KIF15: variants seen among roughly 807,000 people sequenced by gnomAD.
KIF15 encodes the protein kinesin-like protein KIF15.
Under a neutral mutation model 190.6 loss-of-function variants are expected in KIF15, and 140 were observed. The ratio of observed to expected loss-of-function variants is 0.73; its 90% CI spans 0.64 to 0.84. KIF15 has a LOEUF of 0.84. Among genes scored for constraint, KIF15 ranks in the 40% least tolerant of loss-of-function variants. The pLI, the probability that KIF15 is intolerant of heterozygous loss-of-function variation, is 0.00. For synonymous variants in KIF15, 528 were observed against 551.3 expected, an observed-to-expected ratio of 0.96 and a Z score of 0.59; for missense variants, 1,372 against 1,584.4, an observed-to-expected ratio of 0.87 and a Z score of 2.28.
chr3:44,766,578 C>T (rs1157538464), intron 1 of KIF15, among the ~76,000 whole-genome samples: 1 of 152,088 alleles, frequency 6.6e-6, no homozygotes, highest in Non-Finnish European at 1.5e-5. Flanking sequence ...GTGGAGGAAC[C>T]CCTTGCAATT....
chr3:44,791,786 C>G (rs1470950471), intron 7 of KIF15, among the ~76,000 whole-genome samples: 1 of 152,160 alleles, frequency 6.6e-6, no homozygotes, highest in Non-Finnish European at 1.5e-5. Context: ...GGCATGATCT[C>G]AGCTCAATGC....
chr3:44,811,058 T>C lies in KIF15; in HGVS notation c.2169+15T>C, dbSNP rs549841632. On this transcript the variant is annotated intron_variant, in intron 17 of 34. Coordinates refer to ENST00000326047, the MANE Select transcript of KIF15 (RefSeq NM_020242.3). The stretch of plus-strand genomic sequence containing the variant: ...GAACAGTGCAGGTAATGTTTTGTTC[T>C]AGAAAAAATAAATAACTGGACATCC... 3.9e-6 allele frequency: 6 copies of C among 1,555,826 alleles called. No homozygotes were observed. Among genetic ancestry groups the C allele is most frequent in the Admixed American group, 4.2e-5 (2 of 47,234 alleles).
At chr3:44,818,648 T>G (rs1458877378) in intron 20 of KIF15, among the ~76,000 whole-genome samples, 1 of 152,226 alleles carries the variant, frequency 6.6e-6, no homozygotes, top group Non-Finnish European at 1.5e-5. Context: ...ACTTTGCCAG[T>G]ATTTTATTGA....
intron 27 of KIF15, 47 bp downstream of exon 27, chr3:44,838,468 G>C (rs934501450): frequency 1.3e-6 from 2 of 1,574,972 alleles, no homozygotes; most frequent in Admixed American, 3.6e-5. Context: ...AAGAGACCAA[G>C]TGTAGTGGCT....
At chr3:44,831,348 T>TATA (rs1253553320) in intron 26 of KIF15, among the ~76,000 whole-genome samples, 2 of 152,184 alleles carry the variant, frequency 1.3e-5, no homozygotes, top group African/African-American at 4.8e-5. Flanking sequence ...TTGTATAGTG[T>TATA]ATAATAATAC....
chr3:44,794,298 A>C lies in KIF15; in HGVS notation c.721A>C (p.Thr241Pro). The C allele has an allele frequency of 6.2e-7, 1 of 1,614,134 alleles. No individual in the cohort carries two copies. The highest frequency in any genetic ancestry group is 1.3e-5 in the African/African-American group (1 of 75,066). The change falls in exon 8 of 35, where the codon ACA becomes CCA. Residue 241 changes from threonine to proline, a missense_variant. By Grantham distance (38) the Thr-to-Pro change is conservative. Transcript: ENST00000326047. ...ATCGTCTAGGTCTCATGCCGTCTTT[A>C]CAATTACAATAGAGTCAATGGAGAA... is the stretch of plus-strand genomic sequence containing the variant. ...RESSRSHAVF[T>P]ITIESMEKSN...
At chr3:44,772,680 C>T (rs1705694561) in intron 1 of KIF15, among the ~76,000 whole-genome samples, 1 of 152,138 alleles carries the variant, frequency 6.6e-6, no homozygotes, top group African/African-American at 2.4e-5. Context: ...AAGGTAACTT[C>T]CCAGGTGCTC....
chr3:44,772,464 G>T (rs1047572123), intron 1 of KIF15, among the ~76,000 whole-genome samples: 1 of 152,098 alleles, frequency 6.6e-6, no homozygotes, highest in African/African-American at 2.4e-5. Context: ...TGGAGAAAAA[G>T]AATTCAGTTG....
chr3:44,775,684 G>A (rs1705849298), intron 3 of KIF15, among the ~76,000 whole-genome samples: 3 of 151,600 alleles, frequency 2.0e-5, no homozygotes, highest in African/African-American at 4.8e-5. Flanking sequence ...TTGATCTCTC[G>A]ACCTCGTGAT....
chr3:44,835,557 T>C (rs1301303956), intron 26 of KIF15, among the ~76,000 whole-genome samples: 3 of 152,198 alleles, frequency 2.0e-5, no homozygotes, highest in South Asian at 2.1e-4. Context: ...AATCCCAGTA[T>C]AAAAAACTGA....
chr3:44,859,062 G>A (rs762391701), intron 6 of KIF15, among the ~76,000 whole-genome samples: 4 of 152,192 alleles, frequency 2.6e-5, no homozygotes, highest in Admixed American at 6.5e-5. Context: ...GTGGGGTCCC[G>A]CACAGTTGGG....
At chr3:44,828,699 A>G (rs1487121599) in intron 24 of KIF15, among the ~76,000 whole-genome samples, 10 of 152,254 alleles carry the variant, frequency 6.6e-5, no homozygotes, top group African/African-American at 1.9e-4. Context: ...AAATTCTTCT[A>G]TGTCTAGCTC....
chr3:44,838,232 G>A, intron 26 of KIF15, 43 bp from the exon 27 acceptor site: 2 of 1,548,932 alleles, frequency 1.3e-6, no homozygotes, highest in East Asian at 2.3e-5. Context: ...AATCCTTATT[G>A]GAATACCATA....
rs1707762021 is a variant in KIF15, at chr3:44,811,043, G to A, written c.2169G>A (p.Gln723=). ...TTTCTGAAGAGCTTAGAACAGTGCA[G>A]GTAATGTTTTGTTCTAGAAAAAATA... ...EAISEELRTV[Q]EQMSALQAKL... The change falls in exon 17 of 35, where the codon CAG becomes CAA. Residue 723 remains glutamine, a splice_region_variant and synonymous_variant. Coordinates refer to ENST00000326047, the MANE Select transcript of KIF15 (RefSeq NM_020242.3). 2 of 1,579,954 alleles carry A rather than the reference G, an allele frequency of 1.3e-6. No individual in the cohort carries two copies. Among genetic ancestry groups the A allele is most frequent in the African/African-American group, 1.4e-5 (1 of 72,758 alleles).
intron 10 of KIF15, chr3:44,799,350 A>G: frequency 2.2e-6 from 1 of 456,294 alleles, no homozygotes; most frequent in Non-Finnish European, 4.4e-6. Flanking sequence ...TTGTTTAAGG[A>G]TGTGCTATTT....
intron 24 of KIF15, among the ~76,000 whole-genome samples, chr3:44,829,421 A>C (rs1419863658): frequency 2.1e-5 from 3 of 140,114 alleles, no homozygotes; most frequent in Non-Finnish European, 4.5e-5. Flanking sequence ...TTACATATGT[A>C]TATATAATAT....
chr3:44,866,342 G>T (rs1393134515), intron 6 of KIF15, among the ~76,000 whole-genome samples: 2 of 152,134 alleles, frequency 1.3e-5, no homozygotes, highest in Non-Finnish European at 2.9e-5. Flanking sequence ...AAAGTGCTGG[G>T]ATTACAGGCG....
At chr3:44,867,234 A>G (rs905780421) in intron 6 of KIF15, among the ~76,000 whole-genome samples, 6 of 151,758 alleles carry the variant, frequency 4.0e-5, no homozygotes. Context: ...ACACCTGAAA[A>G]CTCAGAGAGG....
In KIF15 at chr3:44,814,187, C is replaced by G. The variant is rs377045900; in HGVS notation, c.2384-724C>G. 3.5e-4 allele frequency among the ~76,000 whole-genome samples: 54 copies of G among 152,246 alleles called. No individual in the cohort carries two copies. In the East Asian group the frequency reaches 9.7e-3, roughly 27 times the overall value. Reference sequence around the variant, plus strand: ...TTGCAGTTGTAGTTGTCTTAGAAGACCTGAAGTAGTTAACCCATGTTGGAA... The same window carrying G: ...TTGCAGTTGTAGTTGTCTTAGAAGAGCTGAAGTAGTTAACCCATGTTGGAA... On this transcript the variant is annotated intron_variant, in intron 19 of 34. Coordinates refer to ENST00000326047, the MANE Select transcript of KIF15 (RefSeq NM_020242.3).
Sources: allele counts gnomAD v4.1 joint callset (sites outside exome capture counted in the v4.1 genomes callset), GRCh38; gene constraint gnomAD v4.1.1; transcripts MANE v1.5; gene names NCBI Gene and HGNC (gene_info 2026-07-23, HGNC 2026-07-21).